The following TENM2 variants were observed in gnomAD, a reference collection of about 807,000 sequenced individuals.
TENM2 encodes teneurin-2.
Under a neutral mutation model 245.2 loss-of-function variants are expected in TENM2, and 52 were observed. That is an observed-to-expected ratio of 0.21 (90% CI 0.17 to 0.27). TENM2 has a LOEUF of 0.27. Among genes scored for constraint, TENM2 ranks in the 10% least tolerant of loss-of-function variants. The probability of loss-of-function intolerance (pLI) is 1.00; values close to 1 mark genes in which losing one functional copy is unlikely to be tolerated. For missense variants in TENM2, 3,046 were observed against 3,666.8 expected, an observed-to-expected ratio of 0.83 and a Z score of 4.37; for synonymous variants, 1,363 against 1,438.9, an observed-to-expected ratio of 0.95 and a Z score of 1.19.
the TENM2 span, among the ~76,000 whole-genome samples, chr5:167,187,659 C>T: frequency 3.3e-5 from 5 of 152,074 alleles, no homozygotes; most frequent in African/African-American, 1.2e-4. Context: ...ATTTCGACCT[C>T]CTTCTCTTCT....
Position 167,901,350 on chromosome 5 carries a change from G to C in TENM2, c.712+25155G>C, listed in dbSNP as rs559375924. Among the ~76,000 whole-genome samples the C allele has an allele frequency of 7.2e-5, 11 of 152,174 alleles. No homozygotes were observed. The East Asian group carries it at 2.1e-3, about 29-fold the overall frequency. ...TTTGTGGTATAGAATTATATAATAG[G>C]TATTACCTAATTCTAGATCATTACA... On this transcript the variant is annotated intron_variant, in intron 3 of 28. Coordinates refer to ENST00000518659, the Ensembl canonical transcript of TENM2.
intron 5 of TENM2, among the ~76,000 whole-genome samples, chr5:168,042,007 C>G (rs962038716): frequency 6.6e-6 from 1 of 152,220 alleles, no homozygotes; most frequent in Non-Finnish European, 1.5e-5. Context: ...CTCCTCCCAG[C>G]AGTGGCACTT....
chr5:167,582,211 T>G (rs562007992), intron 2 of TENM2, among the ~76,000 whole-genome samples: 2 of 152,198 alleles, frequency 1.3e-5, no homozygotes, highest in Non-Finnish European at 2.9e-5. Context: ...CTGAGTTCTA[T>G]ACAGCATTCA....
chr5:167,815,850 A>G (rs1021946251), intron 2 of TENM2, among the ~76,000 whole-genome samples: 9 of 152,096 alleles, frequency 5.9e-5, no homozygotes, highest in African/African-American at 2.2e-4. Flanking sequence ...TTCTCTTCCC[A>G]GGTCCATAGT....
intron 3 of TENM2, among the ~76,000 whole-genome samples, chr5:167,901,237 C>T (rs1421078904): frequency 6.6e-6 from 1 of 151,944 alleles, no homozygotes; most frequent in Admixed American, 6.6e-5. Context: ...TAGGTCCTGA[C>T]TGAATTGTTA....
intron 2 of TENM2, among the ~76,000 whole-genome samples, chr5:167,649,951 G>T (rs536987194): frequency 6.6e-6 from 1 of 152,288 alleles, no homozygotes; most frequent in South Asian, 2.1e-4. Flanking sequence ...TGCAAACATT[G>T]AGACTCTGGA....
chr5:167,068,653 C>A, the TENM2 span, among the ~76,000 whole-genome samples: 1 of 152,140 alleles, frequency 6.6e-6, no homozygotes, highest in African/African-American at 2.4e-5. Context: ...TAGCTGGTGG[C>A]TACTATATTA....
exon 29 of TENM2, chr5:168,262,092 C>T (rs764866103): frequency 4.3e-6 from 7 of 1,613,958 alleles, no homozygotes; most frequent in Non-Finnish European, 5.9e-6. Context: ...CATAACCAGG[C>T]CTTCATGGCT....
chr5:167,032,220 A>T, the TENM2 span, among the ~76,000 whole-genome samples: 1 of 152,206 alleles, frequency 6.6e-6, no homozygotes, highest in African/African-American at 2.4e-5. Flanking sequence ...AAACCTCAAA[A>T]AATTTGCATG....
the TENM2 span, among the ~76,000 whole-genome samples, chr5:167,135,171 T>G: frequency 7.9e-5 from 12 of 152,330 alleles, no homozygotes; most frequent in African/African-American, 2.9e-4. Context: ...TTTATTATTG[T>G]TGTTATTTAT....
chr5:168,181,956 C>T (rs577270664), intron 13 of TENM2, among the ~76,000 whole-genome samples: 2 of 152,160 alleles, frequency 1.3e-5, no homozygotes, highest in South Asian at 2.1e-4. Flanking sequence ...GGATTACCGG[C>T]GTGAGCCACC....
At chr5:167,060,692 G>T in the TENM2 span, among the ~76,000 whole-genome samples, 3 of 149,122 alleles carry the variant, frequency 2.0e-5, no homozygotes, top group Non-Finnish European at 4.5e-5. Flanking sequence ...TTTGATATAT[G>T]TATATTTTAT....
intron 7 of TENM2, among the ~76,000 whole-genome samples, chr5:168,077,826 A>G (rs896857899): frequency 6.6e-6 from 1 of 152,152 alleles, no homozygotes; most frequent in Non-Finnish European, 1.5e-5. Flanking sequence ...CCAGTCTATC[A>G]TTGATGGACA....
chr5:168,178,578 A>G (rs1759562828), intron 13 of TENM2, among the ~76,000 whole-genome samples: 1 of 152,168 alleles, frequency 6.6e-6, no homozygotes, highest in African/African-American at 2.4e-5. Flanking sequence ...TTTCTGATCA[A>G]ATGAGATGAT....
chr5:168,053,654 T>G (rs1789300123), intron 6 of TENM2, among the ~76,000 whole-genome samples: 1 of 152,190 alleles, frequency 6.6e-6, no homozygotes, highest in East Asian at 1.9e-4. Context: ...CTAGAGATAA[T>G]GTGAATTATA....
chr5:167,250,727 T>C, the TENM2 span, among the ~76,000 whole-genome samples: 2 of 152,264 alleles, frequency 1.3e-5, no homozygotes, highest in East Asian at 3.9e-4. Context: ...GATGCTATTA[T>C]GTTGTAAAAA....
At chr5:167,336,379 C>T (rs1347513956) in intron 1 of TENM2, among the ~76,000 whole-genome samples, 1 of 151,328 alleles carries the variant, frequency 6.6e-6, no homozygotes, top group Non-Finnish European at 1.5e-5. Flanking sequence ...GATAAAAAGG[C>T]ATCTCTGGTT....
intron 2 of TENM2, among the ~76,000 whole-genome samples, chr5:167,467,367 G>C (rs1766730716): frequency 1.3e-5 from 2 of 152,056 alleles, no homozygotes; most frequent in South Asian, 4.1e-4. Flanking sequence ...GGAACTGTGA[G>C]TCCATTAAAC....
At chr5:167,022,925 A>G in the TENM2 span, among the ~76,000 whole-genome samples, 129 of 152,336 alleles carry the variant, frequency 8.5e-4, 2 homozygotes, top group African/African-American at 3.0e-3. Flanking sequence ...TAAATGTTCA[A>G]ATGTATGCTA....
Sources: gnomAD v4.1 joint callset for allele counts (sites outside exome capture counted in the v4.1 genomes callset) on GRCh38, gnomAD v4.1.1 for gene constraint, MANE v1.5 for transcripts, NCBI Gene and HGNC (gene_info 2026-07-23, HGNC 2026-07-21) for gene names.